The following PLCL1 variants were observed in gnomAD, a reference collection of about 807,000 sequenced individuals.
PLCL1 encodes the protein phospholipase C like 1 (inactive), also known as inactive phospholipase C-like protein 1.
A neutral mutation model predicts 84.4 loss-of-function variants in PLCL1; 41 were observed. The observed-to-expected ratio is 0.49, with a 90% CI of 0.38 to 0.63. The LOEUF (loss-of-function observed/expected upper bound fraction) is 0.63, where lower values mean the gene tolerates loss of function less well. Ranked by LOEUF, PLCL1 falls within the 30% of genes least tolerant of loss-of-function variation. PLCL1 has a pLI of 0.00. For synonymous variants in PLCL1, 490 were observed against 488.3 expected (o/e 1.00, Z -0.05); for missense variants, 1,206 against 1,367.8 (o/e 0.88, Z 1.87).
chr2:197,894,198 A>G (rs1688087268), intron 1 of PLCL1, among the ~76,000 whole-genome samples: 1 of 151,972 alleles, frequency 6.6e-6, no homozygotes, highest in African/African-American at 2.4e-5. Flanking sequence ...AGGCAGGGAA[A>G]GTGAATATTT....
At chr2:198,053,667 A>C (rs1691994523) in intron 1 of PLCL1, among the ~76,000 whole-genome samples, 1 of 152,194 alleles carries the variant, frequency 6.6e-6, no homozygotes, top group Non-Finnish European at 1.5e-5. Context: ...CCATTTCGGT[A>C]ATCTAGCTGT....
chr2:198,071,558 T>C (rs1012440744), intron 1 of PLCL1, among the ~76,000 whole-genome samples: 1 of 151,828 alleles, frequency 6.6e-6, no homozygotes, highest in African/African-American at 2.4e-5. Flanking sequence ...CATATATATA[T>C]ACATAATGTA....
rs1186566946 is a variant in PLCL1, at chr2:198,148,890, A to G, written c.*1928A>G. 1.3e-5 allele frequency: 2 copies of G among 152,342 alleles called. No homozygotes were observed. Among genetic ancestry groups the G allele is most frequent in the Non-Finnish European group, 2.9e-5 (2 of 68,042 alleles). The allele number at this position is 152,342 out of a possible 1,614,324, so 9.4% of individuals were successfully genotyped here. A position where few individuals can be genotyped will look rare whatever the true frequency, so the allele number is the denominator to read the frequency against. On this transcript the variant is annotated 3_prime_UTR_variant, in exon 6 of 6. Coordinates refer to ENST00000428675, the MANE Select transcript of PLCL1 (RefSeq NM_006226.4). ...TTTATTTACTCCAGGGTCAAATCCAATCCTTGGAAGTAGCTTCTCTAGTTT... is the reference window on the plus strand; with the variant it reads ...TTTATTTACTCCAGGGTCAAATCCAGTCCTTGGAAGTAGCTTCTCTAGTTT...
In PLCL1 at chr2:197,941,280, A is replaced by G. The variant is rs191403553; in HGVS notation, c.240+135941A>G. On this transcript the variant is annotated intron_variant, in intron 1 of 5. Transcript: ENST00000428675. ...ATGCACTGAGGTAATGATTTTATCA[A>G]TGAAGGGGAATACTATTTTTTTTTT... 8.3e-4 allele frequency among the ~76,000 whole-genome samples: 126 copies of G among 152,016 alleles called. 2 individuals are homozygous for G. Among genetic ancestry groups the G allele is most frequent in the Non-Finnish European group, 1.2e-4 (8 of 67,996 alleles).
chr2:197,888,224 A>G (rs1687956012), intron 1 of PLCL1, among the ~76,000 whole-genome samples: 1 of 152,140 alleles, frequency 6.6e-6, no homozygotes, highest in Non-Finnish European at 1.5e-5. Flanking sequence ...TTTCTCACCT[A>G]ACTTCATTGA....
intron 1 of PLCL1, among the ~76,000 whole-genome samples, chr2:197,818,040 G>C (rs763066278): frequency 2.0e-5 from 3 of 151,994 alleles, no homozygotes; most frequent in African/African-American, 7.2e-5. Context: ...CTGGGTTGTC[G>C]ATAGTGATGA....
intron 1 of PLCL1, among the ~76,000 whole-genome samples, chr2:197,835,735 G>A (rs1175718503): frequency 3.3e-5 from 5 of 152,202 alleles, no homozygotes; most frequent in Non-Finnish European, 5.9e-5. Context: ...ATGAGACAAC[G>A]TATGTAAATC....
At chr2:197,927,747 A>C (rs1688859569) in intron 1 of PLCL1, among the ~76,000 whole-genome samples, 1 of 152,186 alleles carries the variant, frequency 6.6e-6, no homozygotes, top group South Asian at 2.1e-4. Context: ...TTTTGATTCA[A>C]GTGTGCATGG....
chr2:197,830,218 T>G (rs989277175), intron 1 of PLCL1, among the ~76,000 whole-genome samples: 2 of 151,466 alleles, frequency 1.3e-5, no homozygotes, highest in Non-Finnish European at 2.9e-5. Flanking sequence ...AATAACAAAC[T>G]CCTTCAAGCT....
chr2:198,118,595 T>G (rs1693799590), intron 5 of PLCL1, among the ~76,000 whole-genome samples: 1 of 152,042 alleles, frequency 6.6e-6, no homozygotes. Context: ...ACAACCAGTA[T>G]TATTTTCCTG....
chr2:197,890,793 T>TATATATGC (rs1391651232), intron 1 of PLCL1, among the ~76,000 whole-genome samples: 11 of 144,978 alleles, frequency 7.6e-5, no homozygotes, highest in Non-Finnish European at 7.5e-5. Flanking sequence ...TATATATGTA[T>TATATATGC]ATATATATTT....
chr2:198,080,717 T>C (rs1692690767), intron 1 of PLCL1, among the ~76,000 whole-genome samples: 2 of 152,234 alleles, frequency 1.3e-5, no homozygotes, highest in Non-Finnish European at 2.9e-5. Flanking sequence ...AATTATTCGT[T>C]CACACATGCT....
intron 1 of PLCL1, among the ~76,000 whole-genome samples, chr2:198,028,884 A>C (rs895190191): frequency 1.4e-4 from 21 of 152,144 alleles, no homozygotes; most frequent in African/African-American, 4.8e-4. Context: ...TGTTTTTTAC[A>C]GAAGATACAT....
chr2:197,825,783 T>C (rs541885433), intron 1 of PLCL1, among the ~76,000 whole-genome samples: 1 of 152,348 alleles, frequency 6.6e-6, no homozygotes, highest in East Asian at 1.9e-4. Flanking sequence ...TGTGTGATCA[T>C]AAAATTTTTC....
intron 1 of PLCL1, among the ~76,000 whole-genome samples, chr2:198,032,069 C>T (rs1421509523): frequency 6.6e-6 from 1 of 152,036 alleles, no homozygotes; most frequent in Non-Finnish European, 1.5e-5. Context: ...AATATTGATT[C>T]TCTGTTTTGG....
rs1693066979 is a variant in PLCL1, at chr2:198,092,408, A to G, written c.2919+3347A>G. On this transcript the variant is annotated intron_variant, in intron 3 of 5. Transcript: ENST00000428675. The stretch of plus-strand genomic sequence containing the variant: ...TATGGTGTGATATTTCCGTACATTT[A>G]TACAATATGTAATGATCAAATTAGA... 2.6e-5 allele frequency among the ~76,000 whole-genome samples: 4 copies of G among 152,316 alleles called. No individual in the cohort carries two copies. The South Asian group carries it at 6.2e-4, about 24-fold the overall frequency.
rs1024739119 is a variant in PLCL1 at position 197,805,560 on chromosome 2, G to C, written c.240+221G>C. ...TCTCCCCACTGACGGCAGAGGAAAAGTTCCGCTCTGCGTCTTTGCGTTCTG... is the reference window on the plus strand; with the variant it reads ...TCTCCCCACTGACGGCAGAGGAAAACTTCCGCTCTGCGTCTTTGCGTTCTG... On this transcript the variant is annotated intron_variant, in intron 1 of 5. Coordinates refer to ENST00000428675, the MANE Select transcript of PLCL1 (RefSeq NM_006226.4). The surrounding 1 kb of genome is among the most constrained non-coding windows in gnomAD (Gnocchi z 4.0). 2.0e-5 allele frequency among the ~76,000 whole-genome samples: 3 copies of C among 152,212 alleles called. No homozygotes were observed. The highest frequency in any genetic ancestry group is 4.4e-5 in the Non-Finnish European group (3 of 68,036).
At chr2:197,854,637 A>G (rs1477463564) in intron 1 of PLCL1, among the ~76,000 whole-genome samples, 1 of 152,222 alleles carries the variant, frequency 6.6e-6, no homozygotes, top group Non-Finnish European at 1.5e-5. Context: ...AATTTTGTGT[A>G]CAAGGACTCC....
chr2:198,024,777 A>T (rs1374970895), intron 1 of PLCL1, among the ~76,000 whole-genome samples: 1 of 151,014 alleles, frequency 6.6e-6, no homozygotes, highest in African/African-American at 2.5e-5. Flanking sequence ...AAAAAAAAAC[A>T]ATTACTACGA....
Sources: gnomAD v4.1 joint callset for allele counts (sites outside exome capture counted in the v4.1 genomes callset) on GRCh38, gnomAD v4.1.1 for gene constraint, Gnocchi (gnomAD v3.1) non-coding constraint, MANE v1.5 for transcripts, NCBI Gene and HGNC (gene_info 2026-07-23, HGNC 2026-07-21) for gene names.